ASB15: variants seen among roughly 807,000 people sequenced by gnomAD.
The protein encoded by ASB15 is ankyrin repeat and SOCS box protein 15.
ASB15 carries 54 observed loss-of-function variants against 58.0 expected under a neutral mutation model. The observed-to-expected ratio is 0.93, with a 90% CI of 0.75 to 1.17. ASB15 has a LOEUF of 1.17. Ranked by LOEUF, ASB15 falls within the 50% of genes most tolerant of loss-of-function variation. The pLI is 0.00. For synonymous variants in ASB15, 249 were observed against 262.4 expected (o/e 0.95, Z 0.50); for missense variants, 680 against 707.4 (o/e 0.96, Z 0.44).
upstream of ASB15, chr7:123,598,777 A>C (rs1049738278): frequency 7.2e-5 from 11 of 152,202 alleles, no homozygotes; most frequent in African/African-American, 2.4e-4. Context: ...TACCTTACTA[A>C]AAAATACTAT....
chr7:123,634,302 T>C (rs1241095045), intron 11 of ASB15, among the ~76,000 whole-genome samples: 1 of 152,010 alleles, frequency 6.6e-6, no homozygotes, highest in African/African-American at 2.4e-5. Flanking sequence ...ACATGCAGTG[T>C]TTGGTTTTCT....
intron 2 of ASB15, among the ~76,000 whole-genome samples, chr7:123,605,210 TG>T (rs1400608701): frequency 6.6e-6 from 1 of 152,212 alleles, no homozygotes; most frequent in Non-Finnish European, 1.5e-5. Context: ...AATATTTATG[TG>T]TATATGCATA....
chr7:123,616,519 G>T, intron 6 of ASB15, 24 bp downstream of exon 6: 2 of 1,602,224 alleles, frequency 1.2e-6, no homozygotes, highest in South Asian at 2.2e-5. Context: ...AAACATGTTT[G>T]ACCAAGCCAG....
chr7:123,632,256 G>C (rs983163424), intron 11 of ASB15, among the ~76,000 whole-genome samples: 1 of 151,872 alleles, frequency 6.6e-6, no homozygotes, highest in Admixed American at 6.6e-5. Flanking sequence ...TCAGAAATCA[G>C]GTAACAACTG....
At position 123,629,003 on chromosome 7, in the gene ASB15, C is replaced by G. The variant is rs538574876; in HGVS notation, c.1009C>G (p.Leu337Val). ...LIENGFDVNT[L>V]LADHISQSYD... ...TGAAAATGGTTTTGATGTCAACACTCTACTTGCTGACCACATTTCCCAGAG... is the reference window on the plus strand; with the variant it reads ...TGAAAATGGTTTTGATGTCAACACTGTACTTGCTGACCACATTTCCCAGAG... The change falls in exon 10 of 12, where the codon CTA becomes GTA. Residue 337 changes from leucine to valine, a missense_variant. By Grantham distance (32) the Leu-to-Val change is conservative. Coordinates refer to ENST00000451215, the MANE Select transcript of ASB15 (RefSeq NM_001290258.2). 5.0e-6 allele frequency: 8 copies of G among 1,613,716 alleles called. No homozygotes were observed. The highest frequency in any genetic ancestry group is 6.8e-6 in the Non-Finnish European group (8 of 1,179,652).
intron 1 of ASB15, among the ~76,000 whole-genome samples, chr7:123,585,914 T>G (rs1386222182): frequency 6.6e-6 from 1 of 151,828 alleles, no homozygotes; most frequent in African/African-American, 2.4e-5. Flanking sequence ...GAATTTCTTT[T>G]TTCTTAAGGT....
intron 11 of ASB15, among the ~76,000 whole-genome samples, chr7:123,632,496 T>C (rs1004631613): frequency 7.0e-6 from 1 of 143,550 alleles, no homozygotes; most frequent in Non-Finnish European, 1.6e-5. Context: ...GTGTTGGTTA[T>C]ATGGATAAGT....
At position 123,624,855 on chromosome 7, in the gene ASB15, C is replaced by T. The variant is rs959307522; in HGVS notation, c.697+41C>T. On this transcript the variant is annotated intron_variant, in intron 8 of 11. Transcript: ENST00000451215. ...TTACACTTCCTGACTTTTGTCCTGC[C>T]TCTCGAACTCTCCTTTTCTCCATTC... 4.5e-6 allele frequency: 7 copies of T among 1,571,578 alleles called. No homozygotes were observed. The Admixed American group carries it at 8.9e-5, about 20-fold the overall frequency.
chr7:123,620,632 C>T (rs1341239466), intron 7 of ASB15, among the ~76,000 whole-genome samples: 10 of 120,164 alleles, frequency 8.3e-5, no homozygotes, highest in East Asian at 5.5e-4. Flanking sequence ...AGTGCAGTGG[C>T]GCGATCTCAA....
chr7:123,603,134 G>A (rs954781938), intron 1 of ASB15, among the ~76,000 whole-genome samples: 1 of 152,116 alleles, frequency 6.6e-6, no homozygotes, highest in Non-Finnish European at 1.5e-5. Flanking sequence ...TTTACTGTGT[G>A]CTAAACCTTA....
chr7:123,636,248 A>T lies in ASB15; in HGVS notation c.1595-561A>T, dbSNP rs573998522. 2.0e-5 allele frequency among the ~76,000 whole-genome samples: 3 copies of T among 152,292 alleles called. No individual in the cohort carries two copies. In the East Asian group the frequency reaches 5.8e-4, roughly 29 times the overall value. ...GCTGCTATAAAATCTCAATCTTGCA[A>T]TTATAATATAGATAAAGTAAGAATT... On this transcript the variant is annotated intron_variant, in intron 11 of 11. Transcript: ENST00000451215.
chr7:123,624,377 G>C (rs1801625377), intron 7 of ASB15, among the ~76,000 whole-genome samples, 192 bp from the exon 8 acceptor site: 1 of 152,076 alleles, frequency 6.6e-6, no homozygotes, highest in Admixed American at 6.5e-5. Flanking sequence ...GTGTCATCTT[G>C]TAAACTTATA....
chr7:123,596,651 A>G (rs935334994), intron 1 of ASB15, among the ~76,000 whole-genome samples: 1 of 152,094 alleles, frequency 6.6e-6, no homozygotes, highest in East Asian at 1.9e-4. Flanking sequence ...ATAAAGAAAG[A>G]GAAAAAGAAA....
At chr7:123,572,333 G>C (rs564432285) in intron 1 of ASB15, among the ~76,000 whole-genome samples, 1 of 151,090 alleles carries the variant, frequency 6.6e-6, no homozygotes, top group Non-Finnish European at 1.5e-5. Flanking sequence ...GTAGAGACAG[G>C]TTTCACCATG....
chr7:123,573,767 G>T (rs1465684959), intron 1 of ASB15, among the ~76,000 whole-genome samples: 1 of 151,926 alleles, frequency 6.6e-6, no homozygotes, highest in Non-Finnish European at 1.5e-5. Flanking sequence ...GACTACTTTA[G>T]ATCTAAGTCT....
intron 1 of ASB15, among the ~76,000 whole-genome samples, chr7:123,569,772 G>C (rs1200631069): frequency 6.6e-6 from 1 of 151,896 alleles, no homozygotes; most frequent in Non-Finnish European, 1.5e-5. Context: ...TGGTTGCAGG[G>C]GACATGTAGG....
At chr7:123,595,679 T>G (rs1364503411) in intron 1 of ASB15, among the ~76,000 whole-genome samples, 2 of 152,216 alleles carry the variant, frequency 1.3e-5, no homozygotes, top group East Asian at 3.8e-4. Context: ...TGGTCAATAT[T>G]TGTTAAATAC....
chr7:123,617,337 C>T (rs1033313764), intron 6 of ASB15, among the ~76,000 whole-genome samples: 12 of 152,060 alleles, frequency 7.9e-5, no homozygotes, highest in African/African-American at 2.7e-4. Flanking sequence ...AGACTTAGCA[C>T]ATCATTTTCA....
Position 123,617,644 on chromosome 7 carries a change from A to T in ASB15, c.358A>T (p.Lys120Ter), listed in dbSNP as rs1310307656. The T allele has an allele frequency of 2.5e-6, 4 of 1,610,950 alleles. No homozygotes were observed. Among genetic ancestry groups the T allele is most frequent in the Non-Finnish European group, 3.4e-6 (4 of 1,177,176 alleles). Residue 120 changes from lysine to a stop codon, truncating the protein, a stop_gained, in exon 7 of 12, where the codon AAA becomes TAA. Transcript: ENST00000451215. LOFTEE classifies it high-confidence loss of function. ...AGAAACACCCTTGACTTTGGCAGTC[A>T]AAGCTGGTCTGGTGGAAAATGTAAG... ...DGETPLTLAV[K>*]AGLVENVRTL...
Sources: gnomAD v4.1 joint callset for allele counts (sites outside exome capture counted in the v4.1 genomes callset) on GRCh38, gnomAD v4.1.1 for gene constraint, MANE v1.5 for transcripts, NCBI Gene and HGNC (gene_info 2026-07-23, HGNC 2026-07-21) for gene names.